Variants in VEGFC observed in about 807,000 individuals in gnomAD.
The protein encoded by VEGFC is FLT4 ligand DHM.
A neutral mutation model predicts 46.1 loss-of-function variants in VEGFC; 12 were observed. The observed-to-expected ratio is 0.26, with a 90% CI of 0.17 to 0.42. The LOEUF is 0.42. Ranked by LOEUF, VEGFC falls within the 10% of genes least tolerant of loss-of-function variation. The probability of loss-of-function intolerance (pLI) is 1.00; values close to 1 mark genes in which losing one functional copy is unlikely to be tolerated. For missense variants in VEGFC, 488 were observed against 529.4 expected, an observed-to-expected ratio of 0.92 and a Z score of 0.77; for synonymous variants, 232 against 195.5, an observed-to-expected ratio of 1.19 and a Z score of -1.56.
intron 1 of VEGFC, among the ~76,000 whole-genome samples, chr4:176,780,484 C>T (rs1735897610): frequency 6.6e-6 from 1 of 151,588 alleles, no homozygotes; most frequent in Non-Finnish European, 1.5e-5. Flanking sequence ...GCATGGAGTT[C>T]ATCTCGACAT....
At chr4:176,719,096 C>T (rs974622136) in intron 3 of VEGFC, among the ~76,000 whole-genome samples, 40 of 152,124 alleles carry the variant, frequency 2.6e-4, no homozygotes, top group Non-Finnish European at 4.3e-4. Flanking sequence ...TATGCTTTTA[C>T]TTTTCAATGA....
chr4:176,698,995 C>G (rs954862266), intron 4 of VEGFC, among the ~76,000 whole-genome samples: 13 of 152,260 alleles, frequency 8.5e-5, no homozygotes, highest in Admixed American at 6.5e-4. Flanking sequence ...ACAGATCATT[C>G]AAAATGAATG....
At chr4:176,734,513 A>T (rs962294914) in intron 1 of VEGFC, among the ~76,000 whole-genome samples, 7 of 151,862 alleles carry the variant, frequency 4.6e-5, no homozygotes, top group Non-Finnish European at 8.8e-5. Flanking sequence ...AGACTAAGAA[A>T]TATACGCGAG....
intron 1 of VEGFC, among the ~76,000 whole-genome samples, chr4:176,733,275 C>T (rs1245770840): frequency 6.6e-6 from 1 of 151,776 alleles, no homozygotes; most frequent in Non-Finnish European, 1.5e-5. Context: ...TTAGGTGAAA[C>T]AAAAACTTAT....
In VEGFC at chr4:176,686,610, G is replaced by A. The variant is rs76185209; in HGVS notation, c.1145+577C>T. 1.1e-3 allele frequency among the ~76,000 whole-genome samples: 161 copies of A among 152,224 alleles called. 1 individual carries two copies. Among genetic ancestry groups the A allele is most frequent in the African/African-American group, 3.4e-3 (141 of 41,530 alleles). On this transcript the variant is annotated intron_variant, in intron 6 of 6. Coordinates refer to ENST00000618562, the MANE Select transcript of VEGFC (RefSeq NM_005429.5). ...CTGAGATTAAAGAGGAAGAGGTTTC[G>A]GGATTAACACTGAATGTGCTTGAGT...
intron 1 of VEGFC, among the ~76,000 whole-genome samples, chr4:176,782,537 A>C (rs1735934617): frequency 6.6e-6 from 1 of 152,044 alleles, no homozygotes; most frequent in Non-Finnish European, 1.5e-5. Flanking sequence ...ATGAAAAATT[A>C]CTATGAAGAA....
At chr4:176,690,425 T>C (rs1448692858) in intron 4 of VEGFC, among the ~76,000 whole-genome samples, 2 of 152,056 alleles carry the variant, frequency 1.3e-5, no homozygotes, top group African/African-American at 4.8e-5. Context: ...ACAGATAGCA[T>C]CCGTTACACA....
At chr4:176,724,449 T>G (rs1734840219) in intron 3 of VEGFC, among the ~76,000 whole-genome samples, 1 of 152,228 alleles carries the variant, frequency 6.6e-6, no homozygotes, top group Non-Finnish European at 1.5e-5. Context: ...TAACAATGAC[T>G]ACATAACTAT....
chr4:176,685,430 A>G (rs1489609383), intron 6 of VEGFC, among the ~76,000 whole-genome samples: 1 of 152,194 alleles, frequency 6.6e-6, no homozygotes, highest in African/African-American at 2.4e-5. Context: ...GCTCCAATTT[A>G]TATCACAAAG....
chr4:176,692,546 G>C (rs1337540421), intron 4 of VEGFC, among the ~76,000 whole-genome samples: 2 of 133,976 alleles, frequency 1.5e-5, no homozygotes, highest in Non-Finnish European at 3.0e-5. Flanking sequence ...AATGAGGCTG[G>C]GGGAGGGACG....
At chr4:176,728,806 C>CT (rs1203672970) in intron 2 of VEGFC, among the ~76,000 whole-genome samples, 3 of 152,140 alleles carry the variant, frequency 2.0e-5, no homozygotes, top group Non-Finnish European at 4.4e-5. Flanking sequence ...CAATATCAAA[C>CT]TTTTATAGCG....
intron 1 of VEGFC, among the ~76,000 whole-genome samples, chr4:176,780,794 C>T (rs972647736): frequency 6.6e-6 from 1 of 152,204 alleles, no homozygotes; most frequent in Non-Finnish European, 1.5e-5. Context: ...GAGGCTGTCA[C>T]ACTAGCACTG....
intron 3 of VEGFC, among the ~76,000 whole-genome samples, chr4:176,727,110 C>G (rs1383177677): frequency 6.6e-6 from 1 of 152,200 alleles, no homozygotes; most frequent in Non-Finnish European, 1.5e-5. Flanking sequence ...CAGCCAGCCT[C>G]CTCTACCACG....
chr4:176,690,494 C>T (rs1734137031), intron 4 of VEGFC, among the ~76,000 whole-genome samples: 1 of 151,952 alleles, frequency 6.6e-6, no homozygotes, highest in Admixed American at 6.6e-5. Context: ...TTGTACCTTC[C>T]TAATAATTTT....
chr4:176,729,757 A>C lies in VEGFC; in HGVS notation c.148-11T>G, dbSNP rs749178325. On this transcript the variant is annotated splice_polypyrimidine_tract_variant and intron_variant, in intron 1 of 6. Transcript: ENST00000618562. ...TTTGCTTGCATAAGCCTGTCAAAGA[A>C]AAATGCAAGATCAATGACTTACCAG... 2 of 1,561,008 alleles carry C rather than the reference A, an allele frequency of 1.3e-6. No individual in the cohort carries two copies. Among genetic ancestry groups the C allele is most frequent in the Non-Finnish European group, 1.7e-6 (2 of 1,154,524 alleles).
intron 1 of VEGFC, among the ~76,000 whole-genome samples, chr4:176,779,061 T>C (rs1045189517): frequency 6.6e-6 from 1 of 152,194 alleles, no homozygotes; most frequent in Admixed American, 6.5e-5. Context: ...GCTGTATTTA[T>C]GAATATAGTC....
chr4:176,690,014 T>C (rs1734123536), intron 4 of VEGFC, among the ~76,000 whole-genome samples: 3 of 152,180 alleles, frequency 2.0e-5, no homozygotes, highest in African/African-American at 7.2e-5. Flanking sequence ...TCAAAATCTA[T>C]TTTTGGGAAT....
At chr4:176,689,608 T>C (rs1175336241) in intron 4 of VEGFC, 2 of 152,250 alleles carry the variant, frequency 1.3e-5, no homozygotes, top group Non-Finnish European at 2.9e-5. Flanking sequence ...CAATGACTGA[T>C]TTGACCTTTC....
intron 1 of VEGFC, among the ~76,000 whole-genome samples, chr4:176,742,674 C>T (rs935809514): frequency 1.3e-5 from 2 of 151,962 alleles, no homozygotes; most frequent in Admixed American, 1.3e-4. Flanking sequence ...GAAGGCTGTT[C>T]TAAAGATGAA....
Sources: gnomAD v4.1 joint callset for allele counts (sites outside exome capture counted in the v4.1 genomes callset) on GRCh38, gnomAD v4.1.1 for gene constraint, MANE v1.5 for transcripts, NCBI Gene and HGNC (gene_info 2026-07-23, HGNC 2026-07-21) for gene names.